Variants in LOXHD1 observed in about 807,000 individuals in gnomAD.
LOXHD1 encodes lipoxygenase homology domain-containing protein 1.
Under a neutral mutation model 248.2 loss-of-function variants are expected in LOXHD1, and 205 were observed. The observed-to-expected ratio is 0.83, with a 90% CI of 0.74 to 0.93. The LOEUF is 0.93. Ranked by LOEUF, LOXHD1 falls within the 40% of genes least tolerant of loss-of-function variation. The pLI, the probability that LOXHD1 is intolerant of heterozygous loss-of-function variation, is 0.00. For missense variants in LOXHD1, 2,930 were observed against 2,971.6 expected, an observed-to-expected ratio of 0.99 and a Z score of 0.33; for synonymous variants, 1,113 against 1,162.8, an observed-to-expected ratio of 0.96 and a Z score of 0.87.
At chr18:46,487,186 G>A (rs1436600392) in intron 38 of LOXHD1, among the ~76,000 whole-genome samples, 1 of 152,158 alleles carries the variant, frequency 6.6e-6, no homozygotes, top group African/African-American at 2.4e-5. Flanking sequence ...GCATAAAGGG[G>A]CCACCAGCAA....
At chr18:46,561,978 C>A (rs1354161787) in intron 18 of LOXHD1, among the ~76,000 whole-genome samples, 1 of 152,210 alleles carries the variant, frequency 6.6e-6, no homozygotes, top group African/African-American at 2.4e-5. Flanking sequence ...AAATTGGCAT[C>A]CAGAAGACAC....
At chr18:46,561,233 C>T (rs1391888185) in intron 18 of LOXHD1, among the ~76,000 whole-genome samples, 2 of 152,002 alleles carry the variant, frequency 1.3e-5, no homozygotes, top group East Asian at 3.9e-4. Flanking sequence ...GCCTGGATGC[C>T]CTCTTCATCC....
At chr18:46,583,786 C>T (rs2038006855) in intron 12 of LOXHD1, among the ~76,000 whole-genome samples, 1 of 151,176 alleles carries the variant, frequency 6.6e-6, no homozygotes, top group Non-Finnish European at 1.5e-5. Context: ...GGAGATTCCT[C>T]AAAAAAGTTA....
At chr18:46,576,330 C>T (rs1488233401) in intron 14 of LOXHD1, among the ~76,000 whole-genome samples, 1 of 152,118 alleles carries the variant, frequency 6.6e-6, no homozygotes, top group East Asian at 1.9e-4. Flanking sequence ...TTCCCCCACA[C>T]CCCGCTTCCC....
At chr18:46,516,257 T>A (rs889429934) in intron 34 of LOXHD1, among the ~76,000 whole-genome samples, 8 of 152,072 alleles carry the variant, frequency 5.3e-5, no homozygotes, top group African/African-American at 1.9e-4. Flanking sequence ...CAAAGAGTGA[T>A]AAGAGGGGTG....
chr18:46,485,173 A>G (rs1357108475), intron 38 of LOXHD1, 22 bp from the exon 39 acceptor site: 1 of 1,543,016 alleles, frequency 6.5e-7, no homozygotes, highest in Admixed American at 2.0e-5. Context: ...GAGGTGGGGG[A>G]GGGTCAGCAC....
chr18:46,566,238 A>T lies in LOXHD1; in HGVS notation c.2437+19T>A. The T allele has an allele frequency of 6.5e-7, 1 of 1,535,806 alleles. No homozygotes were observed. Among genetic ancestry groups the T allele is most frequent in the South Asian group, 1.2e-5 (1 of 82,692 alleles). On this transcript the variant is annotated intron_variant, in intron 17 of 40. Transcript: ENST00000642948. ...CCCATGGGAAACAATGGGTGGTCCC[A>T]CCACAGCCTCCTCCATACATTTCTG...
chr18:46,649,510 A>G (rs2039080394), intron 1 of LOXHD1, among the ~76,000 whole-genome samples: 1 of 152,236 alleles, frequency 6.6e-6, no homozygotes, highest in Non-Finnish European at 1.5e-5. Context: ...GCAAGAGGGC[A>G]GGTCCTGCAC....
At chr18:46,553,319 G>T (rs1363290444) in intron 21 of LOXHD1, among the ~76,000 whole-genome samples, 10 of 152,170 alleles carry the variant, frequency 6.6e-5, no homozygotes, top group Non-Finnish European at 1.3e-4. Context: ...CCTGGGTGAG[G>T]TTTATTATGC....
intron 5 of LOXHD1, among the ~76,000 whole-genome samples, chr18:46,611,428 T>C (rs2038506867): frequency 6.6e-6 from 1 of 152,236 alleles, no homozygotes; most frequent in African/African-American, 2.4e-5. Flanking sequence ...GAAGGAGATA[T>C]TATTAACTCC....
At chr18:46,566,146 C>CCAG in intron 17 of LOXHD1, 111 bp downstream of exon 17, 1 of 1,227,504 alleles carries the variant, frequency 8.1e-7, no homozygotes, top group Non-Finnish European at 1.1e-6. Flanking sequence ...CAGGACCCTA[C>CCAG]CAGCAGCACT....
chr18:46,635,913 C>T (rs2038887187), intron 4 of LOXHD1, among the ~76,000 whole-genome samples: 1 of 152,144 alleles, frequency 6.6e-6, no homozygotes, highest in South Asian at 2.1e-4. Flanking sequence ...GCACAAACAA[C>T]CTGCCTCTTC....
intron 21 of LOXHD1, among the ~76,000 whole-genome samples, chr18:46,549,295 C>G (rs10853543): frequency 6.6e-6 from 1 of 151,974 alleles, no homozygotes. Context: ...AACTGAGCAT[C>G]GAACCAAAAG....
intron 4 of LOXHD1, among the ~76,000 whole-genome samples, chr18:46,627,034 G>A (rs1178106801): frequency 6.6e-6 from 1 of 152,072 alleles, no homozygotes; most frequent in Non-Finnish European, 1.5e-5. Flanking sequence ...TTATTCTTCT[G>A]TTGCTTATTT....
At chr18:46,484,972 C>A in intron 39 of LOXHD1, 47 bp downstream of exon 39, 2 of 1,542,020 alleles carry the variant, frequency 1.3e-6, no homozygotes, top group Non-Finnish European at 1.8e-6. Context: ...GGGGTCCTCC[C>A]TTACCTACCC....
intron 33 of LOXHD1, among the ~76,000 whole-genome samples, chr18:46,519,647 G>T (rs1029445139): frequency 2.0e-5 from 3 of 152,192 alleles, no homozygotes; most frequent in Non-Finnish European, 4.4e-5. Flanking sequence ...TCTTATCCAG[G>T]CAGGCATAAA....
At chr18:46,549,982 C>T (rs1050776602) in intron 21 of LOXHD1, among the ~76,000 whole-genome samples, 1 of 152,126 alleles carries the variant, frequency 6.6e-6, no homozygotes, top group Non-Finnish European at 1.5e-5. Context: ...GACTTTATTG[C>T]AGATCTTAAA....
rs1011869808 is a variant in LOXHD1, at chr18:46,524,454, T to C, written c.4876+12A>G. ...CCTGGCCCCCGTCCAAAGAGCTCCC[T>C]GGTTGGCTTACTTGGGCCCTCTTGA... On this transcript the variant is annotated intron_variant, in intron 31 of 40. Coordinates refer to ENST00000642948, the MANE Select transcript of LOXHD1 (RefSeq NM_001384474.1). The C allele has an allele frequency of 1.3e-6, 2 of 1,545,896 alleles. No homozygotes were observed. Among genetic ancestry groups the C allele is most frequent in the Non-Finnish European group, 8.8e-7 (1 of 1,142,060 alleles).
At chr18:46,483,422 A>G in intron 40 of LOXHD1, among the ~76,000 whole-genome samples, 165 bp downstream of exon 40, 1 of 152,200 alleles carries the variant, frequency 6.6e-6, no homozygotes, top group Admixed American at 6.5e-5. Flanking sequence ...CTTCAGAAGC[A>G]TACAGCTGTC....
Sources: allele counts gnomAD v4.1 joint callset (sites outside exome capture counted in the v4.1 genomes callset), GRCh38; gene constraint gnomAD v4.1.1; transcripts MANE v1.5; gene names NCBI Gene and HGNC (gene_info 2026-07-23, HGNC 2026-07-21).